Variants in HBE1 observed in about 807,000 individuals in gnomAD.
HBE1 encodes hemoglobin subunit epsilon 1.
HBE1 carries 10 observed loss-of-function variants against 12.1 expected under a neutral mutation model. The observed-to-expected ratio is 0.83, with a 90% CI of 0.51 to 1.40. The LOEUF (loss-of-function observed/expected upper bound fraction) is 1.40, where lower values mean the gene tolerates loss of function less well. Among genes scored for constraint, HBE1 ranks in the 40% most tolerant of loss-of-function variants. HBE1 has a pLI of 0.00. For synonymous variants in HBE1, 78 were observed against 70.4 expected (o/e 1.11, Z -0.54); for missense variants, 172 against 175.8 (o/e 0.98, Z 0.12).
At chr11:5,269,322 A>C (rs1848166168) in intron 2 of HBE1, 132 bp downstream of exon 2, 2 of 743,782 alleles carry the variant, frequency 2.7e-6, no homozygotes, top group Non-Finnish European at 4.9e-6. Context: ...GCTCACTAGA[A>C]GTCTGCTGTT....
rs1848171870 is a variant in HBE1 at position 5,269,801 on chromosome 11, G to T, written c.90C>A (p.Gly30=). 1.2e-6 allele frequency: 2 copies of T among 1,610,538 alleles called. No homozygotes were observed. The highest frequency in any genetic ancestry group is 2.2e-5 in the East Asian group (1 of 44,860). Residue 30 remains glycine, a splice_region_variant and synonymous_variant, in exon 1 of 3, where the codon GGC becomes GGA. Coordinates refer to ENST00000396895, the MANE Select transcript of HBE1 (RefSeq NM_005330.4). ...ATGCATTGAGAACCAATGCTTACCT[G>T]CCCAAGGCTTCACCTCCAGCCTCTT... ...NVEEAGGEAL[G]RLLVVYPWTQ... is the part of the protein sequence containing the mutation.
chr11:5,268,683 A>AAAC (rs2133623491), intron 2 of HBE1, 86 bp from the exon 3 acceptor site: 1 of 1,366,114 alleles, frequency 7.3e-7, no homozygotes. Context: ...ACAAACAAAC[A>AAAC]AAAACGGCTT....
intron 2 of HBE1, 149 bp from the exon 3 acceptor site, chr11:5,268,746 CCA>C: frequency 1.4e-6 from 1 of 695,862 alleles, no homozygotes; most frequent in East Asian, 2.6e-5. Context: ...AGGTTTGTGC[CCA>C]CCCAAAAAAT....
intron 2 of HBE1, 74 bp from the exon 3 acceptor site, chr11:5,268,671 A>AAACG (rs2133623425): frequency 7.3e-7 from 1 of 1,365,128 alleles, no homozygotes; most frequent in Non-Finnish European, 1.0e-6. Context: ...ATGAAAAAAC[A>AAACG]AACAAACAAA....
In HBE1 at chr11:5,268,684, A is replaced by AACAAAC. The variant is rs1848160646; in HGVS notation, c.316-88_316-87insGTTTGT. On this transcript the variant is annotated intron_variant, in intron 2 of 2. Coordinates refer to ENST00000396895, the MANE Select transcript of HBE1 (RefSeq NM_005330.4). ...TGATGAAAAAACAAACAAACAAACAAAAACGGCTTTATACCTACATTCCTA... is the reference window on the plus strand; with the variant it reads ...TGATGAAAAAACAAACAAACAAACAAACAAACAAACGGCTTTATACCTACATTCCTA... 2.2e-6 allele frequency: 3 copies of AACAAAC among 1,355,930 alleles called. No individual in the cohort carries two copies. The South Asian group carries it at 3.7e-5, about 17-fold the overall frequency. 84.0% of individuals were successfully genotyped at this position (1,355,930 alleles called of 1,614,324 possible). A position where few individuals can be genotyped will look rare whatever the true frequency, so the allele number is the denominator to read the frequency against.
At position 5,269,802 on chromosome 11, in the gene HBE1, C is replaced by T; in HGVS notation, c.89G>A (p.Gly30Asp). Reference sequence around the variant, plus strand: ...TGCATTGAGAACCAATGCTTACCTGCCCAAGGCTTCACCTCCAGCCTCTTC... The same window carrying T: ...TGCATTGAGAACCAATGCTTACCTGTCCAAGGCTTCACCTCCAGCCTCTTC... ...NVEEAGGEAL[G>D]RLLVVYPWTQ... is the part of the protein sequence containing the mutation. Residue 30 changes from glycine (G) to aspartate (D), a missense_variant, in exon 1 of 3, where the codon GGC becomes GAC. Transcript: ENST00000396895. 6.2e-7 allele frequency: 1 copy of T among 1,610,672 alleles called. No homozygotes were observed.
In HBE1 at chr11:5,269,619, C is replaced by G. The variant is rs774376321; in HGVS notation, c.150G>C (p.Ser50=). Residue 50 remains serine, a synonymous_variant, in exon 2 of 3, where the codon TCG becomes TCC. Transcript: ENST00000396895. ...GGTTGCCCAGGATGGCAGAGGGAGA[C>G]GACAGGTTTCCAAAGCTGTCAAAAA... ...QRFFDSFGNL[S]SPSAILGNPK... is the part of the protein sequence containing the mutation. 6.2e-7 allele frequency: 1 copy of G among 1,613,524 alleles called. No individual in the cohort carries two copies. Among genetic ancestry groups the G allele is most frequent in the Non-Finnish European group, 8.5e-7 (1 of 1,179,500 alleles).
rs966635884 is a variant in HBE1, at chr11:5,268,490, G to A, written c.423C>T (p.Ala141=). ...GAACTCAGTGGTACTTATGGGCCAGGGCAATGGCGACAGCAGACACCAGCT... is the reference window on the plus strand; with the variant it reads ...GAACTCAGTGGTACTTATGGGCCAGAGCAATGGCGACAGCAGACACCAGCT... ...WQKLVSAVAI[A]LAHKYH The change falls in exon 3 of 3, where the codon GCC becomes GCT. Residue 141 remains alanine (A), a synonymous_variant. Transcript: ENST00000396895. 2 of 1,613,926 alleles carry A rather than the reference G, an allele frequency of 1.2e-6. No individual in the cohort carries two copies. The highest frequency in any genetic ancestry group is 1.7e-6 in the Non-Finnish European group (2 of 1,179,896).
At position 5,269,858 on chromosome 11, in the gene HBE1, G is replaced by A. The variant is rs111330211; in HGVS notation, c.33C>T (p.Ala11=). 6.2e-4 allele frequency: 994 copies of A among 1,613,668 alleles called. 7 individuals are homozygous for A. The African/African-American group carries it at 0.012, about 19-fold the overall frequency. The change falls in exon 1 of 3, where the codon GCC becomes GCT. Residue 11 remains alanine, a synonymous_variant. Coordinates refer to ENST00000396895, the MANE Select transcript of HBE1 (RefSeq NM_005330.4). ...TCATCTTGCTCCACAGGCTAGTGACGGCAGCCTTCTCCTCAGCAGTAAAAT... is the reference window on the plus strand; with the variant it reads ...TCATCTTGCTCCACAGGCTAGTGACAGCAGCCTTCTCCTCAGCAGTAAAAT... MVHFTAEEKA[A]VTSLWSKMNV... is the part of the protein sequence containing the mutation.
rs1173640670 is a variant in HBE1 at position 5,269,568 on chromosome 11, C to T, written c.201G>A (p.Lys67=). ...TAGCATCTCCAAAGGAAGTCAGCAC[C>T]TTCTTGCCATGGGCCTTGACCTTGG... ...GNPKVKAHGK[K]VLTSFGDAIK... The change falls in exon 2 of 3, where the codon AAG becomes AAA. Residue 67 remains lysine (K), a synonymous_variant. Coordinates refer to ENST00000396895, the MANE Select transcript of HBE1 (RefSeq NM_005330.4). 2 of 1,613,976 alleles carry T rather than the reference C, an allele frequency of 1.2e-6. No individual in the cohort carries two copies. The highest frequency in any genetic ancestry group is 2.2e-5 in the East Asian group (1 of 44,870).
Position 5,268,678 on chromosome 11 carries a change from C to A in HBE1, c.316-81G>T. Reference sequence around the variant, plus strand: ...ACAACTTGATGAAAAAACAAACAAACAAACAAAAACGGCTTTATACCTACA... The same window carrying A: ...ACAACTTGATGAAAAAACAAACAAAAAAACAAAAACGGCTTTATACCTACA... On this transcript the variant is annotated intron_variant, in intron 2 of 2. Coordinates refer to ENST00000396895, the MANE Select transcript of HBE1 (RefSeq NM_005330.4). 6 of 1,363,156 alleles carry A rather than the reference C, an allele frequency of 4.4e-6. No individual in the cohort carries two copies. The Admixed American group carries it at 1.1e-4, about 24-fold the overall frequency. 84.4% of individuals were successfully genotyped at this position (1,363,156 alleles called of 1,614,324 possible).
At chr11:5,268,885 G>A (rs1848162172) in intron 2 of HBE1, among the ~76,000 whole-genome samples, 1 of 151,958 alleles carries the variant, frequency 6.6e-6, no homozygotes, top group African/African-American at 2.4e-5. Flanking sequence ...TTTTCTTTAA[G>A]CAATTGTCTA....
Position 5,268,481 on chromosome 11 carries a change from A to C in HBE1, c.432T>G (p.His144Gln). 6.2e-7 allele frequency: 1 copy of C among 1,613,812 alleles called. No individual in the cohort carries two copies. The highest frequency in any genetic ancestry group is 8.5e-7 in the Non-Finnish European group (1 of 1,179,780). The change falls in exon 3 of 3, where the codon CAT becomes CAG. Residue 144 changes from histidine to glutamine, a missense_variant. Physicochemically the swap from His to Gln is conservative, Grantham distance 24 (BLOSUM62 0). Transcript: ENST00000396895. ...LVSAVAIALA[H>Q]KYH Reference sequence around the variant, plus strand: ...ACTGGAAGAGAACTCAGTGGTACTTATGGGCCAGGGCAATGGCGACAGCAG... The same window carrying C: ...ACTGGAAGAGAACTCAGTGGTACTTCTGGGCCAGGGCAATGGCGACAGCAG...
intron 2 of HBE1, among the ~76,000 whole-genome samples, 160 bp from the exon 3 acceptor site, chr11:5,268,757 A>T (rs1848161255): frequency 6.6e-6 from 1 of 152,188 alleles, no homozygotes; most frequent in Non-Finnish European, 1.5e-5. Context: ...CACCCAAAAA[A>T]TTCAGATGAG....
Position 5,268,379 on chromosome 11 carries a change from C to G in HBE1, c.*90G>C. ...ACTGAAGAAAATGTACTTTATTAAA[C>G]AGAAGGCTTTCTCTCAAGGCCAAGC... On this transcript the variant is annotated 3_prime_UTR_variant, in exon 3 of 3. Transcript: ENST00000396895. 8.5e-7 allele frequency: 1 copy of G among 1,173,842 alleles called. No individual in the cohort carries two copies. The highest frequency in any genetic ancestry group is 2.4e-5 in the East Asian group (1 of 41,902). 72.7% of individuals were successfully genotyped at this position (1,173,842 alleles called of 1,614,324 possible).
At position 5,269,781 on chromosome 11, in the gene HBE1, T is replaced by C. The variant is rs1290744772; in HGVS notation, c.92+18A>G. On this transcript the variant is annotated intron_variant, in intron 1 of 2. Transcript: ENST00000396895. ...AATATTCACCCTTCATTCCCATGCA[T>C]TGAGAACCAATGCTTACCTGCCCAA... 3 of 1,597,774 alleles carry C rather than the reference T, an allele frequency of 1.9e-6. No homozygotes were observed. Among genetic ancestry groups the C allele is most frequent in the East Asian group, 2.2e-5 (1 of 44,784 alleles).
Position 5,268,390 on chromosome 11 carries a change from C to G in HBE1, c.*79G>C. On this transcript the variant is annotated 3_prime_UTR_variant, in exon 3 of 3. Coordinates refer to ENST00000396895, the MANE Select transcript of HBE1 (RefSeq NM_005330.4). ...TGTACTTTATTAAACAGAAGGCTTT[C>G]TCTCAAGGCCAAGCCCAGTCCCCAT... The G allele has an allele frequency of 7.6e-7, 1 of 1,307,650 alleles. No individual in the cohort carries two copies. The highest frequency in any genetic ancestry group is 1.1e-6 in the Non-Finnish European group (1 of 948,000). 81.0% of individuals were successfully genotyped at this position (1,307,650 alleles called of 1,614,324 possible).
intron 1 of HBE1, 51 bp downstream of exon 1, chr11:5,269,748 G>T: frequency 1.3e-6 from 2 of 1,555,604 alleles, no homozygotes; most frequent in Non-Finnish European, 1.8e-6. Context: ...CAATCAACTT[G>T]CTAGGGTAAT....
Position 5,269,818 on chromosome 11 carries a change from C to T in HBE1, c.73G>A (p.Gly25Arg). ...LWSKMNVEEA[G>R]GEALGRLLVV... ...GCTTACCTGCCCAAGGCTTCACCTC[C>T]AGCCTCTTCCACATTCATCTTGCTC... The change falls in exon 1 of 3, where the codon GGA (glycine) becomes AGA (arginine). Residue 25 changes from glycine (G) to arginine (R), a missense_variant. Coordinates refer to ENST00000396895, the MANE Select transcript of HBE1 (RefSeq NM_005330.4). 1.2e-6 allele frequency: 2 copies of T among 1,612,848 alleles called. No individual in the cohort carries two copies. The highest frequency in any genetic ancestry group is 1.7e-6 in the Non-Finnish European group (2 of 1,178,858).
Sources: allele counts gnomAD v4.1 joint callset (sites outside exome capture counted in the v4.1 genomes callset), GRCh38; gene constraint gnomAD v4.1.1; transcripts MANE v1.5; gene names NCBI Gene and HGNC (gene_info 2026-07-23, HGNC 2026-07-21).